The following CELF2 variants were observed in gnomAD, a reference collection of about 807,000 sequenced individuals.
The protein encoded by CELF2 is CUG triplet repeat RNA-binding protein 2.
In CELF2, 8 loss-of-function variants were observed where a neutral mutation model predicts 62.6. The ratio of observed to expected loss-of-function variants is 0.13; its 90% CI spans 0.07 to 0.23. The LOEUF is 0.23. Among genes scored for constraint, CELF2 ranks in the 10% least tolerant of loss-of-function variants. The pLI, the probability that CELF2 is intolerant of heterozygous loss-of-function variation, is 1.00. For missense variants in CELF2, 333 were observed against 671.0 expected (o/e 0.50, Z 5.56); for synonymous variants, 258 against 250.0 (o/e 1.03, Z -0.30).
chr10:11,308,466 T>C (rs1174782654), intron 9 of CELF2, among the ~76,000 whole-genome samples: 2 of 152,238 alleles, frequency 1.3e-5, no homozygotes, highest in East Asian at 1.9e-4. Flanking sequence ...ATCCTTTAGA[T>C]TGTAAAATCT....
intron 2 of CELF2, among the ~76,000 whole-genome samples, chr10:10,976,734 G>A (rs2051383607): frequency 6.6e-6 from 1 of 152,094 alleles, no homozygotes; most frequent in Non-Finnish European, 1.5e-5. Flanking sequence ...TCAAACCACA[G>A]ATCTGTATTT....
intron 2 of CELF2, among the ~76,000 whole-genome samples, chr10:11,192,043 C>T (rs2076394742): frequency 6.6e-6 from 1 of 152,200 alleles, no homozygotes; most frequent in South Asian, 2.1e-4. Context: ...TGCTCTTCTC[C>T]ATGTTCAGCC....
At chr10:11,235,650 A>G (rs12098246) in intron 3 of CELF2, among the ~76,000 whole-genome samples, 15,071 of 152,184 alleles carry the variant, frequency 0.099, 1,012 homozygotes, top group East Asian at 0.23. Context: ...AGTCAGTGCA[A>G]CTATGGAAGA....
At chr10:10,879,093 C>T (rs915227971) in intron 1 of CELF2, among the ~76,000 whole-genome samples, 3 of 152,184 alleles carry the variant, frequency 2.0e-5, no homozygotes, top group African/African-American at 7.2e-5. Context: ...GTACTCACAT[C>T]CCAGGGAGTT....
chr10:11,220,445 A>G lies in CELF2; in HGVS notation c.354+2938A>G, dbSNP rs78482112. Among the ~76,000 whole-genome samples the G allele has an allele frequency of 0.015, 2,245 of 152,236 alleles. 71 individuals carry two copies. The highest frequency in any genetic ancestry group is 0.051 in the African/African-American group (2,122 of 41,546). On this transcript the variant is annotated intron_variant, in intron 3 of 12. Transcript: ENST00000633077. This position sits in a 1 kb window ranked among gnomAD's most constrained non-coding sequence, Gnocchi z 4.4. ...TGCAATCAAATGTGTCTGCCATAAG[A>G]TTTTGATTTAAAGGCACCCTCCTTT...
the CELF2 span, among the ~76,000 whole-genome samples, chr10:10,616,510 T>C: frequency 1.3e-5 from 2 of 151,968 alleles, no homozygotes; most frequent in African/African-American, 4.8e-5. Flanking sequence ...AAATAATCGT[T>C]GGATGTATAA....
chr10:10,600,620 A>T, the CELF2 span, among the ~76,000 whole-genome samples: 1 of 152,212 alleles, frequency 6.6e-6, no homozygotes, highest in Non-Finnish European at 1.5e-5. Flanking sequence ...AGACAAACAT[A>T]ATAATCCAAA....
the CELF2 span, among the ~76,000 whole-genome samples, chr10:10,765,081 G>C: frequency 3.9e-5 from 6 of 152,274 alleles, no homozygotes; most frequent in Admixed American, 3.3e-4. Flanking sequence ...GGTCACCCAC[G>C]GCTTGATCTT....
chr10:10,833,222 G>A (rs2058020641), intron 1 of CELF2, among the ~76,000 whole-genome samples: 1 of 152,130 alleles, frequency 6.6e-6, no homozygotes, highest in Non-Finnish European at 1.5e-5. Flanking sequence ...TAGCATTATG[G>A]CACATAGCCC....
chr10:10,751,329 G>A, the CELF2 span, among the ~76,000 whole-genome samples: 1 of 152,224 alleles, frequency 6.6e-6, no homozygotes, highest in Non-Finnish European at 1.5e-5. Flanking sequence ...CCAAACAGCT[G>A]ACTTCAGTCT....
At chr10:10,585,906 C>T in the CELF2 span, among the ~76,000 whole-genome samples, 2 of 152,132 alleles carry the variant, frequency 1.3e-5, no homozygotes, top group Non-Finnish European at 2.9e-5. Flanking sequence ...ATTAACATCA[C>T]CTTGAGATAT....
chr10:10,752,797 G>T, the CELF2 span, among the ~76,000 whole-genome samples: 3 of 110,426 alleles, frequency 2.7e-5, no homozygotes, highest in South Asian at 1.1e-3. Context: ...GCAAAATACC[G>T]GTAGTAAAAA....
Position 11,321,572 on chromosome 10 carries a change from G to C in CELF2, c.1294+186G>C, listed in dbSNP as rs535666180. ...ATGGTGGCATACACCTGTAGTCGCA[G>C]TTACTTGGCAGGTTGAGATGGGAGG... On this transcript the variant is annotated intron_variant, in intron 11 of 12. Coordinates refer to ENST00000633077, the MANE Select transcript of CELF2 (RefSeq NM_001326342.2). This position sits in a 1 kb window ranked among gnomAD's most constrained non-coding sequence, Gnocchi z 6.2. Among the ~76,000 whole-genome samples the C allele has an allele frequency of 4.2e-4, 64 of 152,090 alleles. No individual in the cohort carries two copies. The highest frequency in any genetic ancestry group is 1.4e-3 in the African/African-American group (59 of 41,464).
intron 1 of CELF2, among the ~76,000 whole-genome samples, chr10:11,141,835 A>G (rs1212101114): frequency 6.6e-6 from 1 of 152,264 alleles, no homozygotes; most frequent in Non-Finnish European, 1.5e-5. Flanking sequence ...TAGTGTTTCA[A>G]TAGCGTGCAC....
intron 1 of CELF2, among the ~76,000 whole-genome samples, chr10:10,916,222 T>C (rs2064306060): frequency 6.6e-6 from 1 of 152,148 alleles, no homozygotes. Context: ...AAAGCTCCAG[T>C]GTTTGTCGAT....
At chr10:11,299,064 C>T (rs574605587) in intron 9 of CELF2, among the ~76,000 whole-genome samples, 23 of 152,314 alleles carry the variant, frequency 1.5e-4, no homozygotes, top group Admixed American at 5.2e-4. Context: ...TTCAAGGGAA[C>T]GGGGAACTTT....
chr10:11,050,459 C>T (rs1281717217), intron 1 of CELF2, among the ~76,000 whole-genome samples: 1 of 152,196 alleles, frequency 6.6e-6, no homozygotes, highest in African/African-American at 2.4e-5. Context: ...ATTATTGGAA[C>T]CTGGCCTGGC....
At chr10:10,513,366 T>C in the CELF2 span, among the ~76,000 whole-genome samples, 1 of 152,214 alleles carries the variant, frequency 6.6e-6, no homozygotes, top group Non-Finnish European at 1.5e-5. Context: ...TGTATCCTGA[T>C]ATGATCAGCT....
the CELF2 span, among the ~76,000 whole-genome samples, chr10:10,551,503 C>T: frequency 7.2e-5 from 11 of 152,234 alleles, no homozygotes; most frequent in South Asian, 2.1e-4. Context: ...CCCCCTCCCC[C>T]CCAGTCTCCA....
Sources: allele counts gnomAD v4.1 joint callset (sites outside exome capture counted in the v4.1 genomes callset), GRCh38; gene constraint gnomAD v4.1.1; non-coding constraint Gnocchi (gnomAD v3.1); transcripts MANE v1.5; gene names NCBI Gene and HGNC (gene_info 2026-07-23, HGNC 2026-07-21).